The following CNBP variants were observed in gnomAD, a reference collection of about 807,000 sequenced individuals.
CNBP encodes the protein cellular nucleic acid-binding protein.
In CNBP, 6 loss-of-function variants were observed where a neutral mutation model predicts 21.2. The ratio of observed to expected loss-of-function variants is 0.28; its 90% CI spans 0.16 to 0.56. CNBP has a LOEUF of 0.56. Among genes scored for constraint, CNBP ranks in the 20% least tolerant of loss-of-function variants. The pLI is 0.93. For missense variants in CNBP, 112 were observed against 233.1 expected (o/e 0.48, Z 3.38); for synonymous variants, 61 against 74.9 (o/e 0.81, Z 0.96).
chr3:129,180,735 A>T (rs1277400397), intron 1 of CNBP, among the ~76,000 whole-genome samples: 1 of 151,608 alleles, frequency 6.6e-6, no homozygotes, highest in African/African-American at 2.4e-5. Flanking sequence ...TACTGTCAGG[A>T]GGCTAGGAAG....
At chr3:129,180,075 C>T (rs1033738230) in intron 1 of CNBP, among the ~76,000 whole-genome samples, 2 of 150,048 alleles carry the variant, frequency 1.3e-5, no homozygotes, top group African/African-American at 4.9e-5. Flanking sequence ...TAATATATGA[C>T]AAAAATGCTA....
chr3:129,174,643 G>A (rs1937774447), intron 1 of CNBP, among the ~76,000 whole-genome samples: 1 of 119,074 alleles, frequency 8.4e-6, no homozygotes. Flanking sequence ...TGGGTTACAA[G>A]AGTGAAACTC....
chr3:129,180,680 A>G (rs896843433), intron 1 of CNBP, among the ~76,000 whole-genome samples: 2 of 152,194 alleles, frequency 1.3e-5, no homozygotes, highest in Non-Finnish European at 2.9e-5. Context: ...CGTTCTCCAC[A>G]TAGCAGGCCA....
At position 129,171,270 on chromosome 3, in the gene CNBP, A is replaced by G; in HGVS notation, c.225T>C (p.Tyr75=). 2 of 1,614,250 alleles carry G rather than the reference A, an allele frequency of 1.2e-6. No homozygotes were observed. Among genetic ancestry groups the G allele is most frequent in the Non-Finnish European group, 1.7e-6 (2 of 1,180,048 alleles). ...CAATGTGGCCACCTCTACCGCAGTTATAGCAGGCTTCAACAATAAGGAAAA... is the reference window on the plus strand; with the variant it reads ...CAATGTGGCCACCTCTACCGCAGTTGTAGCAGGCTTCAACAATAAGGAAAA... The part of the protein sequence containing the change: ...KDCDLQEDAC[Y]NCGRGGHIAK... Residue 75 remains tyrosine (Y), a synonymous_variant, in exon 4 of 5, where the codon TAT becomes TAC. Transcript: ENST00000422453.
intron 1 of CNBP, among the ~76,000 whole-genome samples, chr3:129,174,672 A>C (rs1937778726): frequency 6.6e-6 from 1 of 151,880 alleles, no homozygotes. Context: ...AAAAAAAAAA[A>C]AAAAGGCATA....
At chr3:129,175,320 T>C (rs1176890838) in intron 1 of CNBP, among the ~76,000 whole-genome samples, 2 of 151,768 alleles carry the variant, frequency 1.3e-5, no homozygotes, top group African/African-American at 4.8e-5. Context: ...CAAGACTCCG[T>C]CTTCAAAGAA....
At chr3:129,178,268 T>C (rs925604862) in intron 1 of CNBP, among the ~76,000 whole-genome samples, 1 of 152,114 alleles carries the variant, frequency 6.6e-6, no homozygotes, top group Non-Finnish European at 1.5e-5. Flanking sequence ...TGAACTTATC[T>C]TGGAATTAAA....
At chr3:129,177,271 A>G (rs1937970091) in intron 1 of CNBP, among the ~76,000 whole-genome samples, 2 of 152,046 alleles carry the variant, frequency 1.3e-5, no homozygotes. Flanking sequence ...CTCTGGAAAA[A>G]ATTTTTCGTG....
At position 129,169,835 on chromosome 3, in the gene CNBP, A is replaced by G. The variant is rs1225975910; in HGVS notation, c.*618T>C. On this transcript the variant is annotated 3_prime_UTR_variant, in exon 5 of 5. Coordinates refer to ENST00000422453, the MANE Select transcript of CNBP (RefSeq NM_003418.5). The stretch of plus-strand genomic sequence containing the variant: ...GTTTTAGATTTAGTCTTTGAAAATA[A>G]TGTGTTCTAAACCTTTGCCATCACC... The G allele has an allele frequency of 1.3e-5, 3 of 227,454 alleles. No homozygotes were observed. The allele number at this position is 227,454 out of a possible 1,614,324, so 14.1% of individuals were successfully genotyped here.
At chr3:129,179,449 G>A (rs886951389) in intron 1 of CNBP, among the ~76,000 whole-genome samples, 1 of 151,996 alleles carries the variant, frequency 6.6e-6, no homozygotes, top group East Asian at 1.9e-4. Flanking sequence ...ATCCATTTCC[G>A]CCTGCCCTGA....
At chr3:129,178,106 C>T (rs924566129) in intron 1 of CNBP, among the ~76,000 whole-genome samples, 1 of 147,260 alleles carries the variant, frequency 6.8e-6, no homozygotes, top group African/African-American at 2.5e-5. Context: ...TTGCAGTGAG[C>T]CAAGATCGCA....
At chr3:129,181,353 G>A (rs1250720160) in intron 1 of CNBP, among the ~76,000 whole-genome samples, 3 of 148,470 alleles carry the variant, frequency 2.0e-5, no homozygotes, top group African/African-American at 5.0e-5. Context: ...ATGTTCAAAT[G>A]CCAGTTTAAG....
intron 1 of CNBP, among the ~76,000 whole-genome samples, chr3:129,172,636 G>A (rs143427890): frequency 8.8e-4 from 41 of 46,394 alleles, no homozygotes; most frequent in African/African-American, 2.2e-3. Flanking sequence ...AGGCAGGCAG[G>A]CAGGCAGGCA....
In CNBP at chr3:129,169,514, T is replaced by C. The variant is rs1036217605; in HGVS notation, c.*939A>G. ...GTCCTCCACATTCCCCTCTTTAATA[T>C]GGTATTTTGCACTATATACATTAAT... On this transcript the variant is annotated 3_prime_UTR_variant, in exon 5 of 5. Transcript: ENST00000422453. The C allele has an allele frequency of 4.9e-6, 1 of 202,322 alleles. No individual in the cohort carries two copies. The highest frequency in any genetic ancestry group is 1.9e-4 in the South Asian group (1 of 5,244). 12.5% of individuals were successfully genotyped at this position (202,322 alleles called of 1,614,324 possible).
chr3:129,171,416 G>C (rs1193308839), intron 3 of CNBP, 30 bp downstream of exon 3: 3 of 1,596,980 alleles, frequency 1.9e-6, no homozygotes, highest in Non-Finnish European at 2.6e-6. Context: ...AGCTCTAGAG[G>C]GGTATGAAAA....
intron 1 of CNBP, among the ~76,000 whole-genome samples, chr3:129,174,283 G>C (rs931599189): frequency 7.3e-6 from 1 of 136,644 alleles, no homozygotes; most frequent in East Asian, 2.4e-4. Flanking sequence ...TCTTTTAACT[G>C]TACTAGTATT....
chr3:129,181,350 A>G (rs577939139), intron 1 of CNBP, among the ~76,000 whole-genome samples: 1 of 150,846 alleles, frequency 6.6e-6, no homozygotes, highest in African/African-American at 2.4e-5. Flanking sequence ...CAGATGTTCA[A>G]ATGCCAGTTT....
At chr3:129,179,821 A>T (rs892654868) in intron 1 of CNBP, among the ~76,000 whole-genome samples, 1 of 152,148 alleles carries the variant, frequency 6.6e-6, no homozygotes, top group African/African-American at 2.4e-5. Context: ...TGACAAAGCG[A>T]GACTCCGTCT....
In CNBP at chr3:129,168,924, G is replaced by A. The variant is rs1320244525; in HGVS notation, c.*1529C>T. Among the ~76,000 whole-genome samples the A allele has an allele frequency of 8.9e-5, 12 of 135,232 alleles. No homozygotes were observed. Among genetic ancestry groups the A allele is most frequent in the African/African-American group, 3.2e-4 (12 of 37,658 alleles). The allele number at this position is 135,232 out of a possible 152,430, so 88.7% of individuals were successfully genotyped here. On this transcript the variant is annotated 3_prime_UTR_variant, in exon 5 of 5. Transcript: ENST00000422453. ...ATCCTGGCTAACACCGTGAAACCCC[G>A]TCTTTACTAAAAATACAAAAAAAAA...
Sources: gnomAD v4.1 joint callset for allele counts (sites outside exome capture counted in the v4.1 genomes callset) on GRCh38, gnomAD v4.1.1 for gene constraint, MANE v1.5 for transcripts, NCBI Gene and HGNC (gene_info 2026-07-23, HGNC 2026-07-21) for gene names.